TMEM255B: variants seen among roughly 807,000 people sequenced by gnomAD.
TMEM255B encodes transmembrane protein 255B, also known as family with sequence similarity 70, member B.
A neutral mutation model predicts 34.5 loss-of-function variants in TMEM255B; 35 were observed. That is an observed-to-expected ratio of 1.01 (90% CI 0.77 to 1.34). The LOEUF is 1.34. Ranked by LOEUF, TMEM255B falls within the 40% of genes most tolerant of loss-of-function variation. The probability of loss-of-function intolerance (pLI) is 0.00; values close to 1 mark genes in which losing one functional copy is unlikely to be tolerated. For synonymous variants in TMEM255B, 206 were observed against 201.2 expected (o/e 1.02, Z -0.20); for missense variants, 432 against 433.2 (o/e 1.00, Z 0.02).
intron 3 of TMEM255B, among the ~76,000 whole-genome samples, chr13:113,791,830 A>G (rs2050837829): frequency 6.6e-6 from 1 of 152,210 alleles, no homozygotes; most frequent in South Asian, 2.1e-4. Context: ...GAGCGTGTGC[A>G]GTGGTGACGG....
intron 3 of TMEM255B, among the ~76,000 whole-genome samples, chr13:113,778,191 G>A (rs922989129): frequency 1.3e-5 from 2 of 152,226 alleles, no homozygotes; most frequent in Non-Finnish European, 2.9e-5. Flanking sequence ...ATAAAAAGCC[G>A]GCCGAACAGG....
Position 113,811,777 on chromosome 13 carries a change from T to C in TMEM255B, c.855T>C (p.Ala285=), listed in dbSNP as rs751085651. 2 of 1,613,886 alleles carry C rather than the reference T, an allele frequency of 1.2e-6. No individual in the cohort carries two copies. Among genetic ancestry groups the C allele is most frequent in the Non-Finnish European group, 1.7e-6 (2 of 1,179,888 alleles). Reference sequence around the variant, plus strand: ...CAGTTGCGCCCTCCTCTGCCCTGGCTTCGTCTGAGGACCTGCAGCCCCCTT... The same window carrying C: ...CAGTTGCGCCCTCCTCTGCCCTGGCCTCGTCTGAGGACCTGCAGCCCCCTT... ...RFPVAPSSAL[A]SSEDLQPPSP... is the part of the protein sequence containing the mutation. The change falls in exon 9 of 9, where the codon GCT becomes GCC. Residue 285 remains alanine (A), a synonymous_variant. Coordinates refer to ENST00000375353, the MANE Select transcript of TMEM255B (RefSeq NM_182614.4).
chr13:113,761,459 G>A (rs2050307272), intron 1 of TMEM255B: 1 of 727,696 alleles, frequency 1.4e-6, no homozygotes, highest in Admixed American at 6.3e-5. Flanking sequence ...GGCTGGTGGG[G>A]AGTGACAAGG....
chr13:113,808,794 G>GGC (rs1555302342), intron 8 of TMEM255B, among the ~76,000 whole-genome samples: 4 of 102,922 alleles, frequency 3.9e-5, no homozygotes, highest in African/African-American at 1.3e-4. Flanking sequence ...GTGGTTCCTG[G>GGC]GGGGGGGGTT....
In TMEM255B at chr13:113,800,097, G is replaced by GT. The variant is rs2051017311; in HGVS notation, c.423+678_423+679insT. The GT allele has an allele frequency of 1.0e-3, 1,166 of 1,122,978 alleles. 18 individuals are homozygous for GT. The South Asian group carries it at 0.017, about 16-fold the overall frequency. The allele number at this position is 1,122,978 out of a possible 1,614,324, so 69.6% of individuals were successfully genotyped here. A position where few individuals can be genotyped will look rare whatever the true frequency, so the allele number is the denominator to read the frequency against. ...GTGTGTGTTTATGTGTGTGTGTGTG[G>GT]GGGGGGGTAGGCAGGAGGCGTCCCG... is the stretch of plus-strand genomic sequence containing the variant. On this transcript the variant is annotated intron_variant, in intron 5 of 8. Transcript: ENST00000375353.
Position 113,795,230 on chromosome 13 carries a change from A to C in TMEM255B, c.335A>C (p.Gln112Pro). The C allele has an allele frequency of 3.1e-6, 5 of 1,613,658 alleles. No individual in the cohort carries two copies. Among genetic ancestry groups the C allele is most frequent in the Non-Finnish European group, 4.2e-6 (5 of 1,179,880 alleles). Residue 112 changes from glutamine to proline, a missense_variant, in exon 4 of 9, where the codon CAG (glutamine) becomes CCG (proline). By Grantham distance (76) the Gln-to-Pro change is moderately conservative (BLOSUM62 -1). Coordinates refer to ENST00000375353, the MANE Select transcript of TMEM255B (RefSeq NM_182614.4). ...ATCGTGGACGGCGTATTTGCAGCAC[A>C]GCACATTGTGAGTACATTGTCATTG... ...CAIVDGVFAAQHIEPRPLTTG... is the reference protein window; with the variant it reads ...CAIVDGVFAAPHIEPRPLTTG...
chr13:113,808,137 T>C (rs1024456858), intron 8 of TMEM255B, among the ~76,000 whole-genome samples: 6 of 151,702 alleles, frequency 4.0e-5, no homozygotes, highest in African/African-American at 1.5e-4. Flanking sequence ...TCCACAGAGA[T>C]GGAGAGAAAA....
chr13:113,809,077 GTGGTTCCTGGGGGTTTACTCCA>G (rs2051248770), intron 8 of TMEM255B, among the ~76,000 whole-genome samples: 1 of 124,504 alleles, frequency 8.0e-6, no homozygotes, highest in Non-Finnish European at 1.6e-5. Context: ...GGTTTACTCT[GTGGTTCCTGGGGGTTTACTCCA>G]TGGTTCCCGG....
intron 1 of TMEM255B, among the ~76,000 whole-genome samples, chr13:113,764,952 G>T (rs1391064325): frequency 6.6e-6 from 1 of 152,248 alleles, no homozygotes; most frequent in Non-Finnish European, 1.5e-5. Flanking sequence ...ACTAAGGACA[G>T]TGCCACTGGC....
At chr13:113,766,655 G>T (rs1470568878) in intron 2 of TMEM255B, among the ~76,000 whole-genome samples, 1 of 152,214 alleles carries the variant, frequency 6.6e-6, no homozygotes, top group Non-Finnish European at 1.5e-5. Context: ...GCCTCCCCAA[G>T]CATCCTGGAA....
At chr13:113,795,112 A>T (rs1418696612) in intron 3 of TMEM255B, 36 bp from the exon 4 acceptor site, 2 of 1,607,340 alleles carry the variant, frequency 1.2e-6, no homozygotes, top group Non-Finnish European at 1.7e-6. Flanking sequence ...CGGGGTTGGT[A>T]AAAGCTGGGC....
At chr13:113,796,494 A>ACACACAC (rs2050942874) in intron 4 of TMEM255B, among the ~76,000 whole-genome samples, 2 of 115,280 alleles carry the variant, frequency 1.7e-5, no homozygotes, top group Admixed American at 8.3e-5. Context: ...CACACACACT[A>ACACACAC]CACACACCAC....
In TMEM255B at chr13:113,763,993, C is replaced by G. The variant is rs2050348830; in HGVS notation, c.47-2122C>G. 2.0e-5 allele frequency among the ~76,000 whole-genome samples: 3 copies of G among 152,336 alleles called. 1 individual carries two copies. The South Asian group carries it at 6.2e-4, about 32-fold the overall frequency. On this transcript the variant is annotated intron_variant, in intron 1 of 8. Coordinates refer to ENST00000375353, the MANE Select transcript of TMEM255B (RefSeq NM_182614.4). ...TGTGTTCCGGCTGGCAGGTGCAGCG[C>G]CCATCCCCTCATGCAGGGCAGGTGT...
intron 3 of TMEM255B, among the ~76,000 whole-genome samples, chr13:113,791,192 C>T (rs1347261919): frequency 4.6e-5 from 7 of 152,174 alleles, no homozygotes; most frequent in African/African-American, 1.4e-4. Flanking sequence ...GGCTCCATGG[C>T]ATTCATGAGG....
At chr13:113,771,756 A>G (rs1436463390) in intron 3 of TMEM255B, among the ~76,000 whole-genome samples, 1 of 152,222 alleles carries the variant, frequency 6.6e-6, no homozygotes, top group Non-Finnish European at 1.5e-5. Flanking sequence ...ACACCAGTTG[A>G]TGGACATTAC....
chr13:113,804,488 C>T (rs556805156), intron 7 of TMEM255B, among the ~76,000 whole-genome samples: 2 of 152,332 alleles, frequency 1.3e-5, no homozygotes, highest in East Asian at 1.9e-4. Flanking sequence ...GAGCCCGAGC[C>T]GAGCGGTCAC....
chr13:113,766,349 G>C, intron 2 of TMEM255B, 92 bp downstream of exon 2: 2 of 1,562,038 alleles, frequency 1.3e-6, no homozygotes, highest in Non-Finnish European at 1.8e-6. Context: ...ACAGGGCTGG[G>C]GCTGAAGGTG....
intron 3 of TMEM255B, among the ~76,000 whole-genome samples, chr13:113,790,108 G>C (rs1185980554): frequency 6.7e-6 from 1 of 149,440 alleles, no homozygotes; most frequent in African/African-American, 2.5e-5. Context: ...GTGCTGGACT[G>C]ACCGGGCACA....
At chr13:113,764,346 G>A (rs942849968) in intron 1 of TMEM255B, among the ~76,000 whole-genome samples, 8 of 152,206 alleles carry the variant, frequency 5.3e-5, no homozygotes, top group African/African-American at 1.2e-4. Flanking sequence ...CCCGGAGGGC[G>A]CAGGTGTGGC....
Sources: allele counts gnomAD v4.1 joint callset (sites outside exome capture counted in the v4.1 genomes callset), GRCh38; gene constraint gnomAD v4.1.1; transcripts MANE v1.5; gene names NCBI Gene and HGNC (gene_info 2026-07-23, HGNC 2026-07-21).